Variants in ECT2 observed in about 807,000 individuals in gnomAD.
ECT2 encodes the protein epithelial cell transforming 2.
Under a neutral mutation model 116.9 loss-of-function variants are expected in ECT2, and 61 were observed. The ratio of observed to expected loss-of-function variants is 0.52; its 90% CI spans 0.42 to 0.65. The LOEUF is 0.65. Ranked by LOEUF, ECT2 falls within the 30% of genes least tolerant of loss-of-function variation. The probability of loss-of-function intolerance (pLI) is 0.00; values close to 1 mark genes in which losing one functional copy is unlikely to be tolerated. For synonymous variants in ECT2, 358 were observed against 346.4 expected (o/e 1.03, Z -0.37); for missense variants, 937 against 1,078.7 (o/e 0.87, Z 1.84).
chr3:172,811,747 A>G (rs1728796335), intron 22 of ECT2, among the ~76,000 whole-genome samples: 1 of 152,230 alleles, frequency 6.6e-6, no homozygotes, highest in African/African-American at 2.4e-5. Flanking sequence ...GATACATTTT[A>G]CATCAAAGAG....
At chr3:172,770,010 C>T (rs927280609) in intron 13 of ECT2, among the ~76,000 whole-genome samples, 8 of 152,014 alleles carry the variant, frequency 5.3e-5, no homozygotes, top group African/African-American at 1.9e-4. Flanking sequence ...GTTGCTTGTA[C>T]CATTGATAAA....
intron 7 of ECT2, among the ~76,000 whole-genome samples, chr3:172,761,098 G>A (rs1194139071): frequency 1.3e-5 from 2 of 152,178 alleles, no homozygotes; most frequent in East Asian, 3.9e-4. Context: ...TATTATAATA[G>A]GAGAAAATAC....
intron 1 of ECT2, among the ~76,000 whole-genome samples, chr3:172,753,625 A>G (rs2108341173): frequency 6.6e-6 from 1 of 152,348 alleles, no homozygotes; most frequent in East Asian, 1.9e-4. Context: ...ACATCCACAG[A>G]GGATGAGTCA....
chr3:172,774,841 A>G (rs1293995494), intron 14 of ECT2, among the ~76,000 whole-genome samples: 2 of 152,152 alleles, frequency 1.3e-5, no homozygotes, highest in African/African-American at 4.8e-5. Flanking sequence ...AATCCTACAA[A>G]CAAGTAATTA....
chr3:172,796,053 G>A (rs2108901992), intron 18 of ECT2, among the ~76,000 whole-genome samples: 1 of 152,246 alleles, frequency 6.6e-6, no homozygotes. Context: ...AGAGAGAGAT[G>A]CAAAGATAGT....
rs986973800 is a variant in ECT2 at position 172,786,382 on chromosome 3, G to A, written c.1826-111G>A. ...GTGCTTAAAACTTTTTAAAAAATAA[G>A]GATTGAATATTATCTTTAAAAATTA... is the stretch of plus-strand genomic sequence containing the variant. On this transcript the variant is annotated intron_variant, in intron 17 of 24. Transcript: ENST00000392692. The A allele has an allele frequency of 1.7e-5, 11 of 659,586 alleles. No homozygotes were observed. The Admixed American group carries it at 1.8e-4, about 11-fold the overall frequency. The allele number at this position is 659,586 out of a possible 1,614,324, so 40.9% of individuals were successfully genotyped here. A position where few individuals can be genotyped will look rare whatever the true frequency, so the allele number is the denominator to read the frequency against.
At chr3:172,752,485 CCTGA>C (rs1033859792) in intron 1 of ECT2, 1 of 151,710 alleles carries the variant, frequency 6.6e-6, no homozygotes, top group Non-Finnish European at 1.5e-5. Context: ...TAGCTCATCT[CCTGA>C]CTTTTTTTTT....
At chr3:172,807,607 A>T in intron 21 of ECT2, 163 bp from the exon 22 acceptor site, 1 of 711,324 alleles carries the variant, frequency 1.4e-6, no homozygotes, top group Non-Finnish European at 2.3e-6. Flanking sequence ...ACTTCAACTT[A>T]ATATGGTGAT....
intron 6 of ECT2, among the ~76,000 whole-genome samples, chr3:172,759,741 G>A (rs975951449): frequency 2.1e-4 from 32 of 152,244 alleles, no homozygotes; most frequent in African/African-American, 7.2e-4. Context: ...ACCGCGCCCG[G>A]CCAGAAAGTT....
At chr3:172,825,302 C>T (rs555058700), downstream of ECT2, among the ~76,000 whole-genome samples, 2 of 151,970 alleles carry the variant, frequency 1.3e-5, no homozygotes, top group South Asian at 4.2e-4. Flanking sequence ...TTGGATCTCC[C>T]TAACTCCTGA....
chr3:172,824,482 C>T (rs1455188463), downstream of ECT2, among the ~76,000 whole-genome samples: 1 of 152,094 alleles, frequency 6.6e-6, no homozygotes, highest in African/African-American at 2.4e-5. Context: ...CTAAAGCATT[C>T]ATGAGAAACT....
intron 12 of ECT2, among the ~76,000 whole-genome samples, chr3:172,765,394 GT>G (rs1277201425): frequency 6.6e-6 from 1 of 151,916 alleles, no homozygotes. Flanking sequence ...AAAATCTATG[GT>G]TTTGAAAAGC....
At position 172,761,630 on chromosome 3, in the gene ECT2, T is replaced by C. The variant is rs1191719665; in HGVS notation, c.705T>C (p.Thr235=). ...TTTAGGTTGCTGTGAGTCTAGGTAC[T>C]CCAATTATGAAGCCAGAATGGATTT... is the stretch of plus-strand genomic sequence containing the variant. ...EKFRVAVSLG[T]PIMKPEWIYK... Residue 235 remains threonine, a synonymous_variant, in exon 8 of 25, where the codon ACT becomes ACC. Transcript: ENST00000392692. 2.5e-6 allele frequency: 4 copies of C among 1,611,022 alleles called. No individual in the cohort carries two copies. In the East Asian group the frequency reaches 6.7e-5, roughly 27 times the overall value.
rs577423308 is a variant in ECT2, at chr3:172,782,249, T to A, written c.1617+18T>A. On this transcript the variant is annotated intron_variant, in intron 15 of 24. Coordinates refer to ENST00000392692, the MANE Select transcript of ECT2 (RefSeq NM_001258315.2). ...TGAAATATGTAAGTATTGTATTTCT[T>A]TTTTAAGTTTTCAGATTAAAATATG... The A allele has an allele frequency of 1.4e-6, 2 of 1,420,156 alleles. No individual in the cohort carries two copies. Among genetic ancestry groups the A allele is most frequent in the Non-Finnish European group, 1.9e-6 (2 of 1,053,296 alleles). The allele number at this position is 1,420,156 out of a possible 1,614,324, so 88.0% of individuals were successfully genotyped here.
Position 172,762,682 on chromosome 3 carries a change from C to T in ECT2, c.890-9C>T. ...TGGCTTATTTATGCTTATGTGCATT[C>T]CTTTTTAGGAGGTAAATATTTACCG... is the stretch of plus-strand genomic sequence containing the variant. On this transcript the variant is annotated splice_polypyrimidine_tract_variant and intron_variant, in intron 9 of 24. Coordinates refer to ENST00000392692, the MANE Select transcript of ECT2 (RefSeq NM_001258315.2). The T allele has an allele frequency of 6.2e-7, 1 of 1,600,938 alleles. No homozygotes were observed. Among genetic ancestry groups the T allele is most frequent in the Non-Finnish European group, 8.5e-7 (1 of 1,175,698 alleles).
chr3:172,819,272 A>AC (rs59461980), intron 24 of ECT2, among the ~76,000 whole-genome samples: 15,315 of 152,116 alleles, frequency 0.1, 1,478 homozygotes, highest in African/African-American at 0.25. Flanking sequence ...ATGAGAACTT[A>AC]AGCCAATTAC....
At chr3:172,753,856 A>G (rs1716424256) in intron 1 of ECT2, among the ~76,000 whole-genome samples, 1 of 152,194 alleles carries the variant, frequency 6.6e-6, no homozygotes, top group African/African-American at 2.4e-5. Flanking sequence ...GGACTTGGAC[A>G]TATAAGGAGT....
intron 4 of ECT2, 26 bp downstream of exon 4, chr3:172,755,601 T>G: frequency 8.3e-7 from 1 of 1,200,312 alleles, no homozygotes; most frequent in Non-Finnish European, 1.2e-6. Flanking sequence ...TCATTGCATG[T>G]GGCATGCTGC....
At chr3:172,755,230 G>T in intron 2 of ECT2, 65 bp from the exon 3 acceptor site, 1 of 1,276,218 alleles carries the variant, frequency 7.8e-7, no homozygotes, top group South Asian at 1.4e-5. Flanking sequence ...CCAAAAGAGC[G>T]ATAAGGACCT....
Sources: allele counts gnomAD v4.1 joint callset (sites outside exome capture counted in the v4.1 genomes callset), GRCh38; gene constraint gnomAD v4.1.1; transcripts MANE v1.5; gene names NCBI Gene and HGNC (gene_info 2026-07-23, HGNC 2026-07-21).